Variants in ESR1 observed in about 807,000 individuals in gnomAD.
ESR1 encodes the protein estrogen receptor.
In ESR1, 12 loss-of-function variants were observed where a neutral mutation model predicts 52.7. That is an observed-to-expected ratio of 0.23 (90% confidence interval 0.15 to 0.37). The LOEUF (loss-of-function observed/expected upper bound fraction) is 0.37. ESR1 is among the 10% of genes least tolerant of loss of function. The pLI is 1.00. For missense variants in ESR1, 584 were observed against 779.7 expected (o/e 0.75, Z 2.99); for synonymous variants, 305 against 316.8 (o/e 0.96, Z 0.39).
intron 5 of ESR1, among the ~76,000 whole-genome samples, chr6:152,038,926 C>G (rs898462428): frequency 6.6e-5 from 10 of 152,146 alleles, no homozygotes; most frequent in Non-Finnish European, 1.5e-4. Flanking sequence ...CCACCTTGAC[C>G]TCCCAGGTTG....
chr6:151,769,899 G>A (rs1341886553), intron 2 of ESR1, among the ~76,000 whole-genome samples: 4 of 152,118 alleles, frequency 2.6e-5, no homozygotes, highest in Non-Finnish European at 4.4e-5. Context: ...ATGGTGGCAC[G>A]CGTCTGCAGT....
chr6:151,795,575 A>G (rs1360757717), intron 2 of ESR1, among the ~76,000 whole-genome samples: 1 of 152,004 alleles, frequency 6.6e-6, no homozygotes, highest in Non-Finnish European at 1.5e-5. Flanking sequence ...GCATGGAGAG[A>G]TACTATTTTG....
At position 152,094,597 on chromosome 6, in the gene ESR1, G is replaced by A. The variant is rs2152496982; in HGVS notation, c.1553+29G>A. 1.2e-6 allele frequency: 2 copies of A among 1,607,586 alleles called. No homozygotes were observed. Among genetic ancestry groups the A allele is most frequent in the Non-Finnish European group, 1.7e-6 (2 of 1,177,274 alleles). On this transcript the variant is annotated intron_variant, in intron 7 of 7. Coordinates refer to ENST00000206249, the MANE Select transcript of ESR1 (RefSeq NM_000125.4). This position sits in a 1 kb window ranked among gnomAD's most constrained non-coding sequence, Gnocchi z 4.6. ...AGGCATCTGTGGGCTTCCTACAGGA[G>A]AGACATAAAGAAAACATGCCCCCAA...
At chr6:151,979,639 A>G (rs1332997109) in intron 4 of ESR1, among the ~76,000 whole-genome samples, 2 of 152,216 alleles carry the variant, frequency 1.3e-5, no homozygotes, top group African/African-American at 4.8e-5. Flanking sequence ...TGAATAGATA[A>G]GAATGACTAG....
intron 1 of ESR1, among the ~76,000 whole-genome samples, chr6:151,812,440 GC>G (rs1778972426): frequency 6.6e-6 from 1 of 152,106 alleles, no homozygotes; most frequent in South Asian, 2.1e-4. Flanking sequence ...ACATTTGTCT[GC>G]AGCCTGGCTT....
chr6:151,855,871 A>G (rs1787733396), intron 2 of ESR1, among the ~76,000 whole-genome samples: 1 of 152,192 alleles, frequency 6.6e-6, no homozygotes, highest in Admixed American at 6.5e-5. Context: ...AGAACCATGA[A>G]GAGAGTTCTA....
chr6:151,766,869 T>G (rs1361975034), intron 2 of ESR1, among the ~76,000 whole-genome samples: 2 of 152,148 alleles, frequency 1.3e-5, no homozygotes, highest in African/African-American at 4.8e-5. Flanking sequence ...GCATTGCAAT[T>G]TTTTCATAGA....
At chr6:151,736,094 T>C (rs1260198781) in intron 2 of ESR1, among the ~76,000 whole-genome samples, 5 of 152,328 alleles carry the variant, frequency 3.3e-5, no homozygotes, top group East Asian at 1.9e-4. Context: ...GGGTATTTCT[T>C]TATAGCAGTG....
At chr6:152,078,923 G>A (rs561035057) in intron 6 of ESR1, among the ~76,000 whole-genome samples, 1 of 152,332 alleles carries the variant, frequency 6.6e-6, no homozygotes, top group South Asian at 2.1e-4. Context: ...ATGCGGGGAG[G>A]GGCGTCTGCC....
chr6:152,068,573 A>AC (rs1457666659), intron 6 of ESR1, among the ~76,000 whole-genome samples: 1 of 152,186 alleles, frequency 6.6e-6, no homozygotes, highest in Non-Finnish European at 1.5e-5. Context: ...GGGATTTAGA[A>AC]CCATTGACTT....
intron 2 of ESR1, among the ~76,000 whole-genome samples, chr6:151,844,622 T>G (rs1267760533): frequency 6.6e-6 from 1 of 152,224 alleles, no homozygotes; most frequent in African/African-American, 2.4e-5. Context: ...TAATAAAACT[T>G]TATTTATCAG....
intron 6 of ESR1, among the ~76,000 whole-genome samples, chr6:152,118,051 A>C (rs1164228106): frequency 6.6e-6 from 1 of 152,098 alleles, no homozygotes; most frequent in African/African-American, 2.4e-5. Flanking sequence ...AAACCACTCC[A>C]CCTGCCTCCA....
At chr6:151,710,292 G>C (rs1766482862) in intron 2 of ESR1, among the ~76,000 whole-genome samples, 1 of 150,638 alleles carries the variant, frequency 6.6e-6, no homozygotes. Context: ...AGTCCAAATA[G>C]GATTTAGTCA....
intron 3 of ESR1, among the ~76,000 whole-genome samples, chr6:151,908,568 C>T (rs117425831): frequency 0.015 from 2,266 of 152,260 alleles, 23 homozygotes; most frequent in Non-Finnish European, 0.022. Flanking sequence ...AAGCCTCTAA[C>T]TGCATACTCT....
At chr6:151,671,147 T>C (rs1481802384) in intron 1 of ESR1, among the ~76,000 whole-genome samples, 1 of 152,098 alleles carries the variant, frequency 6.6e-6, no homozygotes, top group African/African-American at 2.4e-5. Context: ...TGAAGTAAAA[T>C]AATACATAGA....
At chr6:151,771,618 T>C (rs1785526245) in intron 2 of ESR1, among the ~76,000 whole-genome samples, 1 of 152,244 alleles carries the variant, frequency 6.6e-6, no homozygotes, top group African/African-American at 2.4e-5. Flanking sequence ...CAAGTTGCCA[T>C]GCAAATGTCA....
intron 1 of ESR1, among the ~76,000 whole-genome samples, chr6:151,669,147 G>GGAGAGA (rs541895194): frequency 0.037 from 2,593 of 69,250 alleles, 346 homozygotes; most frequent in African/African-American, 0.045. Context: ...TTGGGAGCTG[G>GGAGAGA]GAGAGAGAGA....
intron 3 of ESR1, among the ~76,000 whole-genome samples, chr6:151,893,484 T>C (rs912961767): frequency 2.0e-5 from 3 of 151,274 alleles, no homozygotes; most frequent in African/African-American, 7.3e-5. Context: ...ATTTTATATA[T>C]AAAATTTATA....
At chr6:152,004,991 T>C (rs375691126) in intron 4 of ESR1, among the ~76,000 whole-genome samples, 1 of 152,030 alleles carries the variant, frequency 6.6e-6, no homozygotes. Flanking sequence ...TTCTTACCAC[T>C]GGTTTTTACT....
Sources: allele counts gnomAD v4.1 joint callset (sites outside exome capture counted in the v4.1 genomes callset), GRCh38; gene constraint gnomAD v4.1.1; non-coding constraint Gnocchi (gnomAD v3.1); transcripts MANE v1.5; gene names NCBI Gene and HGNC (gene_info 2026-07-23, HGNC 2026-07-21).